The following ADGRB3 variants were observed in gnomAD, a reference collection of about 807,000 sequenced individuals.
The protein encoded by ADGRB3 is adhesion G protein-coupled receptor B3.
A neutral mutation model predicts 193.4 loss-of-function variants in ADGRB3; 37 were observed. That is an observed-to-expected ratio of 0.19 (90% CI 0.15 to 0.25). ADGRB3 has a LOEUF of 0.25. Ranked by LOEUF, ADGRB3 falls within the 10% of genes least tolerant of loss-of-function variation. ADGRB3 has a pLI of 1.00. For missense variants in ADGRB3, 1,637 were observed against 1,852.9 expected, an observed-to-expected ratio of 0.88 and a Z score of 2.14; for synonymous variants, 690 against 644.2, an observed-to-expected ratio of 1.07 and a Z score of -1.08.
intron 3 of ADGRB3, among the ~76,000 whole-genome samples, chr6:68,685,561 A>G (rs1764967281): frequency 1.3e-5 from 2 of 152,054 alleles, no homozygotes; most frequent in African/African-American, 4.8e-5. Flanking sequence ...AAAGTTATTC[A>G]TTTTTATGTA....
intron 26 of ADGRB3, among the ~76,000 whole-genome samples, chr6:69,344,060 G>C (rs140502098): frequency 5.3e-5 from 8 of 152,262 alleles, no homozygotes; most frequent in African/African-American, 1.9e-4. Context: ...GTCTCTGGCT[G>C]TGCCTGGCTC....
At chr6:69,097,463 G>A (rs1003618890) in intron 17 of ADGRB3, among the ~76,000 whole-genome samples, 9 of 152,168 alleles carry the variant, frequency 5.9e-5, no homozygotes, top group African/African-American at 2.2e-4. Flanking sequence ...GATTTTCTGG[G>A]TACAAATGCA....
intron 8 of ADGRB3, among the ~76,000 whole-genome samples, chr6:68,970,772 A>C (rs1768538453): frequency 6.6e-6 from 1 of 152,258 alleles, no homozygotes; most frequent in African/African-American, 2.4e-5. Context: ...AGGTAAGTGC[A>C]TGAAATAACC....
intron 3 of ADGRB3, among the ~76,000 whole-genome samples, chr6:68,672,449 TTA>T (rs1257243386): frequency 6.6e-6 from 1 of 152,046 alleles, no homozygotes; most frequent in African/African-American, 2.4e-5. Context: ...TCATTGGTTT[TTA>T]TATGTTATGT....
At chr6:69,210,149 C>CATATATATATATATATATATATAT (rs58586306) in intron 17 of ADGRB3, among the ~76,000 whole-genome samples, 2,191 of 78,184 alleles carry the variant, frequency 0.028, 215 homozygotes, top group African/African-American at 0.044. Flanking sequence ...TAATATATAT[C>CATATATATATATATATATATATAT]ATATATATAT....
intron 10 of ADGRB3, among the ~76,000 whole-genome samples, chr6:68,980,539 AAC>A (rs1162604127): frequency 2.0e-5 from 3 of 151,668 alleles, no homozygotes; most frequent in East Asian, 1.9e-4. Context: ...AAAAGACGAT[AAC>A]ACATTTTATT....
intron 17 of ADGRB3, 99 bp downstream of exon 17, chr6:69,076,137 G>A (rs889591062): frequency 5.9e-6 from 6 of 1,021,494 alleles, no homozygotes; most frequent in Non-Finnish European, 7.4e-6. Flanking sequence ...ATAAGTCAGT[G>A]GGATGTTGCA....
intron 29 of ADGRB3, among the ~76,000 whole-genome samples, chr6:69,363,849 G>A (rs1385598789): frequency 2.0e-5 from 3 of 151,964 alleles, no homozygotes; most frequent in African/African-American, 2.4e-5. Context: ...GCTAGATTGC[G>A]TATGCAGGGT....
rs886571962 is a variant in ADGRB3 at position 69,147,961 on chromosome 6, T to C, written c.2480+71923T>C. 2.0e-5 allele frequency among the ~76,000 whole-genome samples: 3 copies of C among 152,304 alleles called. No individual in the cohort carries two copies. In the South Asian group the frequency reaches 6.2e-4, roughly 32 times the overall value. ...GTTTGATACAACTACTCCTTCTCTTTTTTAGTTTCCATTGGCATGCAACAT... is the reference window on the plus strand; with the variant it reads ...GTTTGATACAACTACTCCTTCTCTTCTTTAGTTTCCATTGGCATGCAACAT... On this transcript the variant is annotated intron_variant, in intron 17 of 31. Coordinates refer to ENST00000370598, the MANE Select transcript of ADGRB3 (RefSeq NM_001704.3).
At chr6:68,700,475 G>A (rs754814217) in intron 3 of ADGRB3, among the ~76,000 whole-genome samples, 1 of 151,996 alleles carries the variant, frequency 6.6e-6, no homozygotes, top group Non-Finnish European at 1.5e-5. Context: ...GTATAAATGA[G>A]ATCTGCTGTA....
At chr6:69,159,319 G>T (rs1212211478) in intron 17 of ADGRB3, among the ~76,000 whole-genome samples, 3 of 151,936 alleles carry the variant, frequency 2.0e-5, no homozygotes, top group Non-Finnish European at 4.4e-5. Context: ...CATTTTAACT[G>T]TCATCATACT....
rs892497133 is a variant in ADGRB3, at chr6:69,104,092, T to C, written c.2480+28054T>C. Among the ~76,000 whole-genome samples the C allele has an allele frequency of 1.1e-4, 17 of 152,140 alleles. 1 individual carries two copies. Among genetic ancestry groups the C allele is most frequent in the African/African-American group, 3.6e-4 (15 of 41,550 alleles). Reference sequence around the variant, plus strand: ...GGGTACATGTGCACATTGTGCAGGTTAGTTACATATGTATACATGTGCCAT... The same window carrying C: ...GGGTACATGTGCACATTGTGCAGGTCAGTTACATATGTATACATGTGCCAT... On this transcript the variant is annotated intron_variant, in intron 17 of 31. Transcript: ENST00000370598.
At chr6:68,742,196 T>C (rs1765995471) in intron 3 of ADGRB3, among the ~76,000 whole-genome samples, 1 of 152,212 alleles carries the variant, frequency 6.6e-6, no homozygotes, top group Non-Finnish European at 1.5e-5. Context: ...TTATCACAAG[T>C]CATTGCTAAT....
At position 68,844,574 on chromosome 6, in the gene ADGRB3, A is replaced by G. The variant is rs115561984; in HGVS notation, c.758-85985A>G. 9.1e-4 allele frequency among the ~76,000 whole-genome samples: 139 copies of G among 152,318 alleles called. 3 individuals carry two copies. The highest frequency in any genetic ancestry group is 2.9e-3 in the African/African-American group (121 of 41,574). ...GTAAAGTAGTATGATCACTATGGAGAGCAGTGTGGAGGTTTCTCTAAAATA... is the reference window on the plus strand; with the variant it reads ...GTAAAGTAGTATGATCACTATGGAGGGCAGTGTGGAGGTTTCTCTAAAATA... On this transcript the variant is annotated intron_variant, in intron 3 of 31. Coordinates refer to ENST00000370598, the MANE Select transcript of ADGRB3 (RefSeq NM_001704.3).
At chr6:68,745,328 G>C (rs1014501675) in intron 3 of ADGRB3, among the ~76,000 whole-genome samples, 2 of 152,176 alleles carry the variant, frequency 1.3e-5, no homozygotes, top group Non-Finnish European at 2.9e-5. Flanking sequence ...ATTATGCTAA[G>C]TGAAATAAGC....
At chr6:69,324,451 A>G (rs947567440) in intron 20 of ADGRB3, among the ~76,000 whole-genome samples, 1 of 152,206 alleles carries the variant, frequency 6.6e-6, no homozygotes, top group Admixed American at 6.6e-5. Flanking sequence ...ATCAACACAG[A>G]TAAAACAACA....
At chr6:69,068,574 T>G (rs754825405) in intron 16 of ADGRB3, among the ~76,000 whole-genome samples, 61 of 152,166 alleles carry the variant, frequency 4.0e-4, no homozygotes, top group Admixed American at 2.4e-3. Flanking sequence ...AGGCAATGAT[T>G]TTCTTTGAAG....
At chr6:68,994,718 G>T (rs1042451900) in intron 11 of ADGRB3, among the ~76,000 whole-genome samples, 1 of 152,188 alleles carries the variant, frequency 6.6e-6, no homozygotes, top group East Asian at 1.9e-4. Flanking sequence ...GTTCATTTCT[G>T]CATTTTCAGC....
chr6:69,058,021 T>C (rs1253348374), intron 15 of ADGRB3, among the ~76,000 whole-genome samples: 4 of 151,986 alleles, frequency 2.6e-5, no homozygotes, highest in African/African-American at 9.7e-5. Context: ...GTGTTTATTC[T>C]TCTTTAAATG....
Sources: gnomAD v4.1 joint callset for allele counts (sites outside exome capture counted in the v4.1 genomes callset) on GRCh38, gnomAD v4.1.1 for gene constraint, MANE v1.5 for transcripts, NCBI Gene and HGNC (gene_info 2026-07-23, HGNC 2026-07-21) for gene names.